SIPA1L1: variants seen among roughly 807,000 people sequenced by gnomAD.
SIPA1L1 encodes signal-induced proliferation-associated 1-like protein 1.
A neutral mutation model predicts 162.7 loss-of-function variants in SIPA1L1; 26 were observed. The ratio of observed to expected loss-of-function variants is 0.16; its 90% CI spans 0.12 to 0.22. The LOEUF is 0.22. Among genes scored for constraint, SIPA1L1 ranks in the 10% least tolerant of loss-of-function variants. The pLI, the probability that SIPA1L1 is intolerant of heterozygous loss-of-function variation, is 1.00. For missense variants in SIPA1L1, 1,874 were observed against 2,241.0 expected, an observed-to-expected ratio of 0.84 and a Z score of 3.31; for synonymous variants, 829 against 837.4, an observed-to-expected ratio of 0.99 and a Z score of 0.17.
intron 20 of SIPA1L1, among the ~76,000 whole-genome samples, chr14:71,731,260 A>G (rs1426379907): frequency 3.3e-5 from 5 of 151,812 alleles, no homozygotes; most frequent in Admixed American, 6.6e-5. Flanking sequence ...TCTCTGTCCT[A>G]CTCACTGTTC....
At chr14:71,702,197 T>G in intron 14 of SIPA1L1, 184 bp from the exon 15 acceptor site, 1 of 601,088 alleles carries the variant, frequency 1.7e-6, no homozygotes. Context: ...TGGTGTATAT[T>G]GACCACAACA....
At chr14:71,736,013 T>C (rs1163172600) in intron 22 of SIPA1L1, among the ~76,000 whole-genome samples, 1 of 152,238 alleles carries the variant, frequency 6.6e-6, no homozygotes, top group African/African-American at 2.4e-5. Context: ...AATTTCTGTA[T>C]GTTAAAGCAT....
At chr14:71,562,431 A>G (rs2056868795) in intron 4 of SIPA1L1, among the ~76,000 whole-genome samples, 2 of 152,142 alleles carry the variant, frequency 1.3e-5, no homozygotes, top group Non-Finnish European at 2.9e-5. Context: ...CACTTTTTTC[A>G]TGTTTTAGTT....
intron 7 of SIPA1L1, among the ~76,000 whole-genome samples, chr14:71,630,734 C>T (rs1247657453): frequency 1.3e-5 from 2 of 152,046 alleles, no homozygotes; most frequent in African/African-American, 4.8e-5. Flanking sequence ...TCTCCCCTGC[C>T]TTGTAGTTAA....
intron 15 of SIPA1L1, 48 bp downstream of exon 15, chr14:71,702,553 T>C: frequency 3.2e-6 from 5 of 1,546,212 alleles, no homozygotes; most frequent in Non-Finnish European, 4.4e-6. Flanking sequence ...ACAAGGTGAC[T>C]TAGGTCACCT....
At chr14:71,483,711 A>G (rs1039129674) in intron 2 of SIPA1L1, among the ~76,000 whole-genome samples, 2 of 152,150 alleles carry the variant, frequency 1.3e-5, no homozygotes, top group African/African-American at 4.8e-5. Context: ...ATGTCTAACC[A>G]TGTCACTCTC....
intron 14 of SIPA1L1, among the ~76,000 whole-genome samples, chr14:71,700,647 T>G (rs1050729408): frequency 6.6e-6 from 1 of 152,256 alleles, no homozygotes; most frequent in African/African-American, 2.4e-5. Context: ...AGCCTTGTGA[T>G]GGGGTATGTA....
chr14:71,706,067 A>G (rs1197482629), intron 16 of SIPA1L1, among the ~76,000 whole-genome samples: 1 of 152,152 alleles, frequency 6.6e-6, no homozygotes, highest in African/African-American at 2.4e-5. Context: ...CATGCTTACT[A>G]GTTCACTATG....
intron 2 of SIPA1L1, among the ~76,000 whole-genome samples, chr14:71,336,459 A>C (rs1230093883): frequency 6.6e-6 from 1 of 152,174 alleles, no homozygotes; most frequent in African/African-American, 2.4e-5. Context: ...AAATGGGATC[A>C]TACAATATTT....
intron 2 of SIPA1L1, among the ~76,000 whole-genome samples, chr14:71,487,038 A>G (rs905810455): frequency 1.3e-5 from 2 of 152,144 alleles, no homozygotes; most frequent in Admixed American, 1.3e-4. Context: ...ATTCAGTACC[A>G]AATTCTGCCA....
chr14:71,477,348 TTC>T (rs2047952738), intron 2 of SIPA1L1, among the ~76,000 whole-genome samples: 1 of 152,060 alleles, frequency 6.6e-6, no homozygotes, highest in Non-Finnish European at 1.5e-5. Flanking sequence ...CTCCATAGTT[TTC>T]TCTCTGTAAG....
intron 2 of SIPA1L1, among the ~76,000 whole-genome samples, chr14:71,346,899 C>A (rs1334692176): frequency 6.6e-6 from 1 of 152,112 alleles, no homozygotes; most frequent in Admixed American, 6.5e-5. Flanking sequence ...AACCTACTTT[C>A]GGTCTCTATT....
At chr14:71,537,607 T>C (rs1224827477) in intron 4 of SIPA1L1, among the ~76,000 whole-genome samples, 1 of 152,212 alleles carries the variant, frequency 6.6e-6, no homozygotes, top group Non-Finnish European at 1.5e-5. Flanking sequence ...GTATTTTCAG[T>C]TGGCCTCCCA....
At chr14:71,600,567 C>A (rs566606381) in intron 5 of SIPA1L1, among the ~76,000 whole-genome samples, 2 of 152,136 alleles carry the variant, frequency 1.3e-5, no homozygotes, top group East Asian at 1.9e-4. Flanking sequence ...TGGATTGTTT[C>A]GTCTCTTCTG....
intron 10 of SIPA1L1, among the ~76,000 whole-genome samples, chr14:71,670,767 CAGTT>C (rs894426930): frequency 1.3e-4 from 20 of 152,122 alleles, no homozygotes; most frequent in African/African-American, 2.7e-4. Context: ...CCCTTGAAAA[CAGTT>C]AGTAGGTATT....
At position 71,538,098 on chromosome 14, in the gene SIPA1L1, A is replaced by C. The variant is rs180723964; in HGVS notation, c.-303+8728A>C. Among the ~76,000 whole-genome samples, 374 of 152,350 alleles carry C rather than the reference A, an allele frequency of 2.5e-3. 5 individuals are homozygous for C. The highest frequency in any genetic ancestry group is 4.1e-3 in the Non-Finnish European group (276 of 68,036). On this transcript the variant is annotated intron_variant, in intron 4 of 23. Coordinates refer to ENST00000381232, the MANE Select transcript of SIPA1L1 (RefSeq NM_001386936.1). ...TTACCAGATGAATTCCTCCTTCATC[A>C]GTTCTGTGAAGAGGCTATGAAATAA...
chr14:71,376,817 A>G (rs1269651185), intron 2 of SIPA1L1, among the ~76,000 whole-genome samples: 1 of 152,148 alleles, frequency 6.6e-6, no homozygotes, highest in African/African-American at 2.4e-5. Context: ...CCCTGAGTTG[A>G]CACAGCACAT....
At chr14:71,677,759 A>G (rs2045357075) in intron 12 of SIPA1L1, among the ~76,000 whole-genome samples, 1 of 152,076 alleles carries the variant, frequency 6.6e-6, no homozygotes, top group Admixed American at 6.6e-5. Context: ...GTTTTTGTCA[A>G]GTTTGTCAAA....
intron 2 of SIPA1L1, among the ~76,000 whole-genome samples, chr14:71,420,373 C>T (rs1331962338): frequency 6.6e-6 from 1 of 152,146 alleles, no homozygotes; most frequent in East Asian, 1.9e-4. Context: ...TCGAACAGGG[C>T]ATTGAAAGGC....
Sources: allele counts gnomAD v4.1 joint callset (sites outside exome capture counted in the v4.1 genomes callset), GRCh38; gene constraint gnomAD v4.1.1; transcripts MANE v1.5; gene names NCBI Gene and HGNC (gene_info 2026-07-23, HGNC 2026-07-21).